Variants in PSD3 observed in about 807,000 individuals in gnomAD.
PSD3 encodes the protein pleckstrin and Sec7 domain containing 3.
In PSD3, 49 loss-of-function variants were observed where a neutral mutation model predicts 105.5. That is an observed-to-expected ratio of 0.46 (90% CI 0.37 to 0.59). The LOEUF (loss-of-function observed/expected upper bound fraction) is 0.59. PSD3 is among the 20% of genes least tolerant of loss of function. The pLI is 0.00. For missense variants in PSD3, 1,561 were observed against 1,263.8 expected, an observed-to-expected ratio of 1.24 and a Z score of -3.57; for synonymous variants, 557 against 457.8, an observed-to-expected ratio of 1.22 and a Z score of -2.77.
intron 4 of PSD3, among the ~76,000 whole-genome samples, chr8:18,807,637 C>G (rs1029002304): frequency 2.0e-5 from 3 of 152,176 alleles, no homozygotes; most frequent in African/African-American, 7.2e-5. Flanking sequence ...GAACAGCAGG[C>G]ATTAACTGGA....
chr8:18,892,104 C>A (rs1242233607), intron 2 of PSD3, among the ~76,000 whole-genome samples: 1 of 151,720 alleles, frequency 6.6e-6, no homozygotes, highest in Admixed American at 6.6e-5. Context: ...ACATTATTTG[C>A]ACTTTTTTTC....
At chr8:18,801,223 A>G in intron 7 of PSD3, 47 bp downstream of exon 7, 1 of 1,196,536 alleles carries the variant, frequency 8.4e-7, no homozygotes, top group Non-Finnish European at 1.2e-6. Context: ...AATAAGGAAA[A>G]TAACCATTGA....
chr8:19,039,125 G>A (rs751206620), intron 1 of PSD3, among the ~76,000 whole-genome samples: 8 of 152,054 alleles, frequency 5.3e-5, no homozygotes, highest in African/African-American at 1.9e-4. Flanking sequence ...TTTCCTCGAC[G>A]GACCTTTTTT....
intron 1 of PSD3, among the ~76,000 whole-genome samples, chr8:19,056,790 C>G (rs1828722950): frequency 6.6e-6 from 1 of 152,016 alleles, no homozygotes; most frequent in Non-Finnish European, 1.5e-5. Context: ...AATAAGTGAA[C>G]AAAGACAAAA....
At chr8:18,973,292 C>T (rs1398461255) in intron 1 of PSD3, among the ~76,000 whole-genome samples, 1 of 152,230 alleles carries the variant, frequency 6.6e-6, no homozygotes, top group Non-Finnish European at 1.5e-5. Context: ...CTAGATTTGT[C>T]TGCTTAGGCT....
chr8:18,914,905 G>A (rs1820483523), intron 2 of PSD3, among the ~76,000 whole-genome samples: 1 of 152,048 alleles, frequency 6.6e-6, no homozygotes, highest in Non-Finnish European at 1.5e-5. Flanking sequence ...AAACCAATCT[G>A]GTGCAAAACA....
At chr8:18,925,995 C>T (rs891608558) in intron 2 of PSD3, among the ~76,000 whole-genome samples, 3 of 152,130 alleles carry the variant, frequency 2.0e-5, no homozygotes, top group Admixed American at 1.3e-4. Context: ...AGACGGAAAG[C>T]CTACCGTTGT....
intron 1 of PSD3, among the ~76,000 whole-genome samples, chr8:18,996,741 T>A (rs963881961): frequency 3.3e-5 from 5 of 151,922 alleles, no homozygotes; most frequent in African/African-American, 1.2e-4. Context: ...AGCAAAAATC[T>A]TTGCAATATT....
At chr8:18,787,346 A>G (rs1310641601) in intron 8 of PSD3, among the ~76,000 whole-genome samples, 1 of 152,196 alleles carries the variant, frequency 6.6e-6, no homozygotes, top group African/African-American at 2.4e-5. Context: ...TGATGCATTG[A>G]GAGGTACAGA....
chr8:18,568,436 T>C (rs1436221101), intron 14 of PSD3, among the ~76,000 whole-genome samples: 3 of 151,678 alleles, frequency 2.0e-5, no homozygotes, highest in Non-Finnish European at 4.4e-5. Context: ...AAGAAAGGAG[T>C]CTAAGAAGCA....
chr8:18,594,286 ATATATTATATATAATAATATATATTAT>A (rs2130526196), intron 12 of PSD3, among the ~76,000 whole-genome samples: 6 of 36,322 alleles, frequency 1.7e-4, no homozygotes, highest in Non-Finnish European at 2.7e-4. Context: ...ATTATATAAT[ATATATTATATATAATAATATATATTAT>A]TATATATAAT....
chr8:18,936,964 G>C (rs1456486171), intron 1 of PSD3, among the ~76,000 whole-genome samples: 1 of 152,098 alleles, frequency 6.6e-6, no homozygotes, highest in Admixed American at 6.5e-5. Flanking sequence ...GAACAGAACT[G>C]CCAGGCATCC....
intron 2 of PSD3, among the ~76,000 whole-genome samples, chr8:18,928,674 TC>T (rs1435130379): frequency 6.6e-6 from 1 of 152,114 alleles, no homozygotes; most frequent in African/African-American, 2.4e-5. Flanking sequence ...CTCTCTTTCT[TC>T]CTTCCTTCCT....
rs78707208 is a variant in PSD3, at chr8:18,620,979, T to C, written c.2410+11634A>G. 3.1e-3 allele frequency among the ~76,000 whole-genome samples: 472 copies of C among 152,250 alleles called. 2 individuals are homozygous for C. Among genetic ancestry groups the C allele is most frequent in the African/African-American group, 0.011 (444 of 41,546 alleles). On this transcript the variant is annotated intron_variant, in intron 11 of 15. Coordinates refer to ENST00000327040, the MANE Select transcript of PSD3 (RefSeq NM_015310.4). ...AAACAGAACGAGTCAGCAGTGAAAA[T>C]AGAATAACCTCTAAAAATCACATGC... is the stretch of plus-strand genomic sequence containing the variant.
chr8:18,624,693 AAG>A (rs1554525254), intron 11 of PSD3, among the ~76,000 whole-genome samples: 4 of 151,174 alleles, frequency 2.6e-5, no homozygotes, highest in African/African-American at 7.3e-5. Flanking sequence ...TTAAAAAAAA[AAG>A]AATAAAAGAA....
intron 1 of PSD3, among the ~76,000 whole-genome samples, chr8:19,072,066 C>T (rs190566139): frequency 4.9e-4 from 74 of 151,510 alleles, no homozygotes; most frequent in African/African-American, 1.8e-3. Flanking sequence ...TTCACTCTTC[C>T]AACTCTACAG....
At chr8:19,051,389 T>C (rs79996971) in intron 1 of PSD3, among the ~76,000 whole-genome samples, 1 of 152,300 alleles carries the variant, frequency 6.6e-6, no homozygotes, top group African/African-American at 2.4e-5. Context: ...CTTATACTTA[T>C]TCGTGTTATC....
At chr8:18,722,128 A>T (rs7815682) in intron 9 of PSD3, among the ~76,000 whole-genome samples, 1 of 151,052 alleles carries the variant, frequency 6.6e-6, no homozygotes, top group South Asian at 2.1e-4. Flanking sequence ...TGAACTTAAA[A>T]GTCTACTAGA....
chr8:18,768,137 A>AAAT (rs71217400), intron 8 of PSD3, among the ~76,000 whole-genome samples: 74 of 144,016 alleles, frequency 5.1e-4, no homozygotes, highest in South Asian at 2.2e-4. Flanking sequence ...AAAAAAAAAA[A>AAAT]TAGCCGGATG....
Sources: gnomAD v4.1 joint callset for allele counts (sites outside exome capture counted in the v4.1 genomes callset) on GRCh38, gnomAD v4.1.1 for gene constraint, MANE v1.5 for transcripts, NCBI Gene and HGNC (gene_info 2026-07-23, HGNC 2026-07-21) for gene names.